DMD: variants seen among roughly 807,000 people sequenced by gnomAD.
DMD encodes the protein dystrophin.
In DMD, 63 loss-of-function variants were observed where a neutral mutation model predicts 330.1. The ratio of observed to expected loss-of-function variants is 0.19; its 90% CI spans 0.16 to 0.24. DMD has a LOEUF of 0.24. DMD is among the 10% of genes least tolerant of loss of function. DMD has a pLI of 1.00. For synonymous variants in DMD, 1,223 were observed against 959.8 expected, an observed-to-expected ratio of 1.27 and a Z score of -5.07; for missense variants, 3,344 against 2,684.1, an observed-to-expected ratio of 1.25 and a Z score of -5.43.
At chrX:32,150,549 A>G (rs754147375) in intron 44 of DMD, among the ~76,000 whole-genome samples, 3 of 111,815 alleles carry the variant, frequency 2.7e-5, no homozygotes. Context: ...ACACCATAGA[A>G]GAAGCAATTT....
In DMD at chrX:31,284,633, G is replaced by A. The variant is rs773897552; in HGVS notation, c.9225-23617C>T. Among the ~76,000 whole-genome samples the A allele has an allele frequency of 1.3e-4, 9 of 67,663 alleles. No homozygotes were observed. In the East Asian group the frequency reaches 1.4e-3, roughly 10 times the overall value. 58.8% of individuals were successfully genotyped at this position (67,663 alleles called of 115,157 possible). On this transcript the variant is annotated intron_variant, in intron 62 of 78. Coordinates refer to ENST00000357033, the MANE Select transcript of DMD (RefSeq NM_004006.3). ...TTTTTTGGCAGAGGTGGGGTGTCTCGCTACCTTGACTAGGCAGGTCTTGAA... is the reference window on the plus strand; with the variant it reads ...TTTTTTGGCAGAGGTGGGGTGTCTCACTACCTTGACTAGGCAGGTCTTGAA...
chrX:32,020,674 G>A (rs2095800251), intron 44 of DMD, among the ~76,000 whole-genome samples: 1 of 112,104 alleles, frequency 8.9e-6, no homozygotes, highest in African/African-American at 3.2e-5. Flanking sequence ...AATCTTAGAC[G>A]TTCAACTTCC....
intron 52 of DMD, among the ~76,000 whole-genome samples, chrX:31,718,809 G>C (rs2085255368): frequency 1.8e-5 from 2 of 111,851 alleles, no homozygotes; most frequent in Admixed American, 1.9e-4. Flanking sequence ...ATTAATATTT[G>C]TATAGTGAGT....
chrX:32,435,146 T>A (rs1355704042), intron 29 of DMD, among the ~76,000 whole-genome samples: 1 of 107,623 alleles, frequency 9.3e-6, no homozygotes, highest in Non-Finnish European at 1.9e-5. Flanking sequence ...AATGGAGGCA[T>A]GTGCATTTCA....
chrX:31,392,090 C>A lies in DMD; in HGVS notation c.9085-43456G>T, dbSNP rs138671823. Among the ~76,000 whole-genome samples, 46 of 112,042 alleles carry A rather than the reference C, an allele frequency of 4.1e-4. 1 individual carries two copies. The East Asian group carries it at 9.3e-3, about 23-fold the overall frequency. ...TCTTAGTTTCCCTTGCAGGTAGATG[C>A]AGCTACTTGACCTAGTTCTGGCCAA... On this transcript the variant is annotated intron_variant, in intron 60 of 78. Transcript: ENST00000357033.
intron 51 of DMD, 75 bp from the exon 52 acceptor site, chrX:31,729,823 T>C (rs2086368233): frequency 3.5e-6 from 3 of 864,210 alleles, no homozygotes; most frequent in South Asian, 2.0e-5. Context: ...CAAAGTAAAG[T>C]ACAATTGTGA....
chrX:32,601,862 A>G (rs1430369337), intron 12 of DMD, among the ~76,000 whole-genome samples: 1 of 112,160 alleles, frequency 8.9e-6, no homozygotes, highest in Non-Finnish European at 1.9e-5. Flanking sequence ...AAAACAATAT[A>G]AATTCCAAAA....
At chrX:31,990,800 T>C (rs776607078) in intron 44 of DMD, among the ~76,000 whole-genome samples, 3 of 111,915 alleles carry the variant, frequency 2.7e-5, no homozygotes, top group East Asian at 5.6e-4. Flanking sequence ...AAAATAAATA[T>C]AAGATTAAAC....
chrX:33,214,425 C>T, upstream of DMD, among the ~76,000 whole-genome samples: 1 of 111,352 alleles, frequency 9.0e-6, no homozygotes. Flanking sequence ...GATGTTTTTA[C>T]CGCATTGATT....
At chrX:31,456,874 GTGTATATA>G (rs1405067657) in intron 59 of DMD, among the ~76,000 whole-genome samples, 7 of 93,537 alleles carry the variant, frequency 7.5e-5, no homozygotes, top group Admixed American at 2.4e-4. Flanking sequence ...GTGTGTGTGT[GTGTATATA>G]TATATATATT....
At chrX:32,429,756 T>A (rs1449742148) in intron 29 of DMD, among the ~76,000 whole-genome samples, 1 of 110,116 alleles carries the variant, frequency 9.1e-6, no homozygotes, top group Non-Finnish European at 1.9e-5. Context: ...CTCTACCCTC[T>A]TTCTAAATAA....
chrX:32,828,550 T>A (rs2148882456), intron 4 of DMD, among the ~76,000 whole-genome samples: 1 of 109,477 alleles, frequency 9.1e-6, no homozygotes, highest in Non-Finnish European at 1.9e-5. Context: ...TATACAAGTA[T>A]ATGTGTATCT....
intron 44 of DMD, among the ~76,000 whole-genome samples, chrX:31,992,603 C>T (rs1477465919): frequency 6.3e-5 from 7 of 111,171 alleles, no homozygotes; most frequent in African/African-American, 2.3e-4. Context: ...TCTTGGCTCA[C>T]TCCTCTCCTC....
At chrX:32,866,484 G>A (rs61576125) in intron 2 of DMD, among the ~76,000 whole-genome samples, 3,984 of 110,604 alleles carry the variant, frequency 0.036, 119 homozygotes, top group African/African-American at 0.097. Flanking sequence ...AGCCCTAGGA[G>A]TTTTTATGAG....
intron 62 of DMD, among the ~76,000 whole-genome samples, chrX:31,315,417 G>A (rs962269101): frequency 3.6e-5 from 4 of 111,617 alleles, no homozygotes; most frequent in Admixed American, 1.9e-4. Context: ...TGGCTCAAAC[G>A]AACAGAGTTG....
intron 1 of DMD, among the ~76,000 whole-genome samples, chrX:33,244,116 T>C (rs1188219766): frequency 1.8e-5 from 2 of 111,927 alleles, no homozygotes; most frequent in Admixed American, 9.5e-5. Flanking sequence ...TCTTCTTGCC[T>C]AATTACTTCC....
chrX:32,348,271 G>A, intron 38 of DMD, 135 bp downstream of exon 38: 1 of 644,439 alleles, frequency 1.6e-6, no homozygotes, highest in Non-Finnish European at 2.4e-6. Context: ...AGAATATTCT[G>A]CATTTATAAA....
At chrX:31,367,266 T>C (rs1443651525) in intron 60 of DMD, among the ~76,000 whole-genome samples, 1 of 111,734 alleles carries the variant, frequency 8.9e-6, no homozygotes, top group African/African-American at 3.3e-5. Context: ...TATTTCTAAT[T>C]ATGCCCTATG....
At chrX:32,858,230 C>G (rs1426443115) in intron 2 of DMD, among the ~76,000 whole-genome samples, 1 of 112,386 alleles carries the variant, frequency 8.9e-6, no homozygotes, top group Non-Finnish European at 1.9e-5. Flanking sequence ...ACAGTGCCTG[C>G]AGGTTTTAAA....
Sources: gnomAD v4.1 joint callset for allele counts (sites outside exome capture counted in the v4.1 genomes callset) on GRCh38, gnomAD v4.1.1 for gene constraint, MANE v1.5 for transcripts, NCBI Gene and HGNC (gene_info 2026-07-23, HGNC 2026-07-21) for gene names.